Variants in SORCS2 observed in about 807,000 individuals in gnomAD.
SORCS2 encodes sortilin related VPS10 domain containing receptor 2.
SORCS2 carries 100 observed loss-of-function variants against 141.6 expected under a neutral mutation model. That is an observed-to-expected ratio of 0.71 (90% CI 0.60 to 0.83). The LOEUF (loss-of-function observed/expected upper bound fraction) is 0.83, where lower values mean the gene tolerates loss of function less well. Ranked by LOEUF, SORCS2 falls within the 40% of genes least tolerant of loss-of-function variation. The probability of loss-of-function intolerance (pLI) is 0.00; values close to 1 mark genes in which losing one functional copy is unlikely to be tolerated. For missense variants in SORCS2, 1,646 were observed against 1,560.2 expected (o/e 1.05, Z -0.93); for synonymous variants, 789 against 676.9 (o/e 1.17, Z -2.57).
rs1260678302 is a variant in SORCS2 at position 7,699,825 on chromosome 4, CAG to C, written c.1668+2556_1668+2557del. Among the ~76,000 whole-genome samples, 7 of 152,222 alleles carry C rather than the reference CAG, an allele frequency of 4.6e-5. No homozygotes were observed. The East Asian group carries it at 1.2e-3, about 25-fold the overall frequency. ...GCTTCTCCTCAGATGTTCCCCGAGA[CAG>C]AGAGCTCACTCCTTCCTGGAGGGGA... On this transcript the variant is annotated intron_variant, in intron 12 of 26. Transcript: ENST00000507866.
At chr4:7,439,669 T>C (rs530420089) in intron 2 of SORCS2, among the ~76,000 whole-genome samples, 1 of 152,320 alleles carries the variant, frequency 6.6e-6, no homozygotes, top group East Asian at 1.9e-4. Flanking sequence ...ATGTCCTCCG[T>C]CCCTGCCTCT....
intron 1 of SORCS2, among the ~76,000 whole-genome samples, chr4:7,200,492 C>T (rs1252008601): frequency 1.3e-5 from 2 of 152,176 alleles, no homozygotes; most frequent in African/African-American, 4.8e-5. Context: ...CAGGACCAGA[C>T]CATCTCCAAG....
chr4:7,209,544 T>C (rs967665877), intron 1 of SORCS2, among the ~76,000 whole-genome samples: 1 of 152,224 alleles, frequency 6.6e-6, no homozygotes, highest in African/African-American at 2.4e-5. Flanking sequence ...TCCATGGTGC[T>C]GAAGCCTATC....
intron 2 of SORCS2, among the ~76,000 whole-genome samples, chr4:7,468,483 G>A (rs964269073): frequency 4.7e-4 from 71 of 152,240 alleles, no homozygotes; most frequent in African/African-American, 1.6e-3. Flanking sequence ...TGTGCATAGC[G>A]TCGAGGATGG....
chr4:7,628,678 G>A (rs927836055), intron 3 of SORCS2, among the ~76,000 whole-genome samples: 10 of 152,008 alleles, frequency 6.6e-5, no homozygotes, highest in African/African-American at 2.4e-4. Flanking sequence ...GCCTCGTGCG[G>A]GATCGGCCAG....
intron 3 of SORCS2, among the ~76,000 whole-genome samples, chr4:7,532,163 G>T (rs1044489882): frequency 6.6e-6 from 1 of 152,186 alleles, no homozygotes; most frequent in African/African-American, 2.4e-5. Context: ...CGTGGGTTCC[G>T]TGAGAAGAGC....
At chr4:7,460,797 C>T (rs899729964) in intron 2 of SORCS2, among the ~76,000 whole-genome samples, 1 of 152,142 alleles carries the variant, frequency 6.6e-6, no homozygotes, top group South Asian at 2.1e-4. Context: ...CGTGACAGCT[C>T]GATGTTGCAT....
intron 1 of SORCS2, among the ~76,000 whole-genome samples, chr4:7,318,746 T>C (rs1200471801): frequency 1.3e-5 from 2 of 152,180 alleles, no homozygotes; most frequent in African/African-American, 4.8e-5. Context: ...GAGGTTGAAT[T>C]TCCATACCAG....
At chr4:7,513,284 G>T (rs951354598) in intron 2 of SORCS2, among the ~76,000 whole-genome samples, 5 of 152,236 alleles carry the variant, frequency 3.3e-5, no homozygotes, top group African/African-American at 1.2e-4. Context: ...ATGAGTGGAA[G>T]CCATAGCCAC....
chr4:7,703,515 C>T (rs1178000505), intron 13 of SORCS2, 144 bp downstream of exon 13: 24 of 663,898 alleles, frequency 3.6e-5, no homozygotes, highest in African/African-American at 7.4e-5. Flanking sequence ...TCCTAAAGAC[C>T]GGGGCTGGGA....
intron 1 of SORCS2, among the ~76,000 whole-genome samples, chr4:7,329,764 A>C (rs1396787242): frequency 2.0e-5 from 3 of 152,208 alleles, no homozygotes; most frequent in Non-Finnish European, 2.9e-5. Context: ...TGAAAGTGAC[A>C]TCCATCCTGC....
rs755438309 is a variant in SORCS2, at chr4:7,192,976, C to A, written c.330C>A (p.Pro110=). 1 of 1,392,478 alleles carries A rather than the reference C, an allele frequency of 7.2e-7. No homozygotes were observed. Among genetic ancestry groups the A allele is most frequent in the Non-Finnish European group, 9.2e-7 (1 of 1,082,592 alleles). 86.3% of individuals were successfully genotyped at this position (1,392,478 alleles called of 1,614,324 possible). ...PAPGPGEDGA[P]AAGYRRWERA... ...CTGGTCCCGGCGAGGACGGCGCCCC[C>A]GCCGCGGGCTACCGGCGCTGGGAGC... The change falls in exon 1 of 27, where the codon CCC becomes CCA. Residue 110 remains proline, a synonymous_variant. Transcript: ENST00000507866. The surrounding 1 kb of genome is among the most constrained non-coding windows in gnomAD (Gnocchi z 4.0).
rs1712768043 is a variant in SORCS2 at position 7,742,796 on chromosome 4, C to T, written c.*2532C>T. On this transcript the variant is annotated 3_prime_UTR_variant, in exon 27 of 27. Transcript: ENST00000507866. Reference sequence around the variant, plus strand: ...AAAAATCGATGAATCATTTGTGATGCTTTTAACAAAGATTAAATGAATTTG... The same window carrying T: ...AAAAATCGATGAATCATTTGTGATGTTTTTAACAAAGATTAAATGAATTTG... The T allele has an allele frequency of 1.3e-5, 2 of 152,646 alleles. No individual in the cohort carries two copies. The highest frequency in any genetic ancestry group is 4.1e-4 in the South Asian group (2 of 4,826). 9.5% of individuals were successfully genotyped at this position (152,646 alleles called of 1,614,324 possible).
At chr4:7,472,531 GA>G (rs1730039686) in intron 2 of SORCS2, among the ~76,000 whole-genome samples, 1 of 151,526 alleles carries the variant, frequency 6.6e-6, no homozygotes, top group Non-Finnish European at 1.5e-5. Flanking sequence ...TTTGACGCCT[GA>G]ATGCACAGCT....
intron 2 of SORCS2, among the ~76,000 whole-genome samples, chr4:7,435,199 T>G (rs536161276): frequency 2.6e-5 from 4 of 151,986 alleles, no homozygotes; most frequent in East Asian, 3.9e-4. Flanking sequence ...ACCCTCCCCC[T>G]GCTGCAGTAG....
chr4:7,689,946 G>T (rs972845548), intron 11 of SORCS2, among the ~76,000 whole-genome samples: 1 of 152,284 alleles, frequency 6.6e-6, no homozygotes, highest in Non-Finnish European at 1.5e-5. Flanking sequence ...ATGGAGGATG[G>T]ACAGATCAAT....
intron 1 of SORCS2, among the ~76,000 whole-genome samples, chr4:7,326,031 A>C (rs1459607586): frequency 1.3e-5 from 2 of 152,102 alleles, no homozygotes; most frequent in African/African-American, 4.8e-5. Flanking sequence ...TTGATGTTCC[A>C]GTGGATTTCA....
chr4:7,622,653 A>G (rs534749098), intron 3 of SORCS2, among the ~76,000 whole-genome samples: 1 of 152,250 alleles, frequency 6.6e-6, no homozygotes, highest in East Asian at 1.9e-4. Flanking sequence ...TCTGGCACGG[A>G]GTCCCAGGGG....
intron 3 of SORCS2, among the ~76,000 whole-genome samples, chr4:7,568,187 C>T (rs1182580616): frequency 6.6e-6 from 1 of 152,200 alleles, no homozygotes; most frequent in Non-Finnish European, 1.5e-5. Context: ...AAAACTTTCT[C>T]AGCTCACAGT....
Sources: gnomAD v4.1 joint callset for allele counts (sites outside exome capture counted in the v4.1 genomes callset) on GRCh38, gnomAD v4.1.1 for gene constraint, Gnocchi (gnomAD v3.1) non-coding constraint, MANE v1.5 for transcripts, NCBI Gene and HGNC (gene_info 2026-07-23, HGNC 2026-07-21) for gene names.